KLHL1: variants seen among roughly 807,000 people sequenced by gnomAD.
The protein encoded by KLHL1 is kelch like family member 1.
In KLHL1, 47 loss-of-function variants were observed where a neutral mutation model predicts 77.7. The observed-to-expected ratio is 0.60, with a 90% CI of 0.48 to 0.77. KLHL1 has a LOEUF of 0.77. KLHL1 is among the 30% of genes least tolerant of loss of function. The pLI is 0.00. For synonymous variants in KLHL1, 360 were observed against 325.2 expected, an observed-to-expected ratio of 1.11 and a Z score of -1.15; for missense variants, 925 against 910.8, an observed-to-expected ratio of 1.02 and a Z score of -0.20.
chr13:70,014,617 G>A (rs1372282), intron 1 of KLHL1, among the ~76,000 whole-genome samples: 81,730 of 151,914 alleles, frequency 0.54, 22,201 homozygotes, highest in Non-Finnish European at 0.57. Flanking sequence ...ATCCATGCAT[G>A]TATAATGAAA....
intron 5 of KLHL1, among the ~76,000 whole-genome samples, chr13:69,860,207 T>C (rs976451034): frequency 2.0e-5 from 3 of 152,058 alleles, no homozygotes; most frequent in Non-Finnish European, 2.9e-5. Flanking sequence ...ATTGAAGATA[T>C]GGAGTGGTAG....
rs773600359 is a variant in KLHL1, at chr13:70,039,637, CT to C, written c.498-63836del. 8.8e-3 allele frequency among the ~76,000 whole-genome samples: 1,110 copies of C among 125,484 alleles called. 5 individuals are homozygous for C. Among genetic ancestry groups the C allele is most frequent in the African/African-American group, 0.021 (688 of 33,138 alleles). The allele number at this position is 125,484 out of a possible 152,430, so 82.3% of individuals were successfully genotyped here. On this transcript the variant is annotated intron_variant, in intron 1 of 10. Transcript: ENST00000377844. ...ACTGCCTGCCTTTGGATTCCTTGAA[CT>C]TTTTTTTTTTTTTTTTTTTGAGACA...
intron 1 of KLHL1, among the ~76,000 whole-genome samples, chr13:69,990,621 C>T (rs1885005284): frequency 6.6e-6 from 1 of 152,058 alleles, no homozygotes; most frequent in African/African-American, 2.4e-5. Flanking sequence ...GAAGACCTAA[C>T]TATCCTAATT....
At chr13:69,806,009 A>G (rs1877601390) in intron 6 of KLHL1, among the ~76,000 whole-genome samples, 1 of 152,132 alleles carries the variant, frequency 6.6e-6, no homozygotes, top group Non-Finnish European at 1.5e-5. Flanking sequence ...TTTAAACAAA[A>G]TTACTGATGA....
At chr13:70,033,269 T>C (rs191764007) in intron 1 of KLHL1, among the ~76,000 whole-genome samples, 1 of 152,178 alleles carries the variant, frequency 6.6e-6, no homozygotes, top group East Asian at 1.9e-4. Flanking sequence ...AGGCTTCTAA[T>C]AATTTTTTGT....
intron 8 of KLHL1, among the ~76,000 whole-genome samples, chr13:69,724,940 A>C (rs975995013): frequency 1.3e-5 from 2 of 152,204 alleles, no homozygotes; most frequent in South Asian, 2.1e-4. Flanking sequence ...TCATGTTTAC[A>C]TCTGCTCTAC....
chr13:69,726,427 G>C (rs530974814), intron 8 of KLHL1, among the ~76,000 whole-genome samples: 1 of 152,148 alleles, frequency 6.6e-6, no homozygotes, highest in East Asian at 1.9e-4. Flanking sequence ...CCTTTCCATG[G>C]GAAATATTTT....
chr13:70,031,519 C>G (rs2137366477), intron 1 of KLHL1, among the ~76,000 whole-genome samples: 1 of 152,204 alleles, frequency 6.6e-6, no homozygotes, highest in South Asian at 2.1e-4. Context: ...TTTTTCTTCC[C>G]TTAGGCATTG....
At position 69,770,611 on chromosome 13, in the gene KLHL1, T is replaced by A. The variant is rs1011484029; in HGVS notation, c.1639+26127A>T. On this transcript the variant is annotated intron_variant, in intron 7 of 10. Coordinates refer to ENST00000377844, the MANE Select transcript of KLHL1 (RefSeq NM_020866.3). ...GCCTTGGCCTCCCAAAGTGCTAACA[T>A]TACAGGTGTGAGCCACTGTCCTAAG... is the stretch of plus-strand genomic sequence containing the variant. Among the ~76,000 whole-genome samples the A allele has an allele frequency of 2.0e-5, 3 of 152,332 alleles. No homozygotes were observed. The South Asian group carries it at 6.2e-4, about 32-fold the overall frequency.
At chr13:69,762,144 T>C (rs988387491) in intron 7 of KLHL1, among the ~76,000 whole-genome samples, 1 of 152,168 alleles carries the variant, frequency 6.6e-6, no homozygotes, top group East Asian at 1.9e-4. Flanking sequence ...CATTTCTAAA[T>C]AAATCTTCAG....
At chr13:69,882,183 A>G in intron 5 of KLHL1, 100 bp downstream of exon 5, 1 of 810,976 alleles carries the variant, frequency 1.2e-6, no homozygotes, top group Admixed American at 2.2e-5. Flanking sequence ...AAAGCATTTA[A>G]AAATGTGAAT....
At chr13:70,100,189 C>A (rs879789569) in intron 1 of KLHL1, among the ~76,000 whole-genome samples, 9,941 of 151,694 alleles carry the variant, frequency 0.066, 564 homozygotes, top group East Asian at 0.32. Context: ...ATTCATATTT[C>A]TTCATTATGT....
chr13:70,021,160 A>G (rs1460023371), intron 1 of KLHL1, among the ~76,000 whole-genome samples: 1 of 152,064 alleles, frequency 6.6e-6, no homozygotes, highest in Non-Finnish European at 1.5e-5. Flanking sequence ...CCACTGCCCT[A>G]AAAATCTTCT....
intron 1 of KLHL1, among the ~76,000 whole-genome samples, chr13:69,976,997 T>G (rs1884563193): frequency 6.6e-6 from 1 of 152,136 alleles, no homozygotes; most frequent in Admixed American, 6.6e-5. Flanking sequence ...CTTCTGAGGA[T>G]AATACGAAGA....
chr13:69,775,107 A>G (rs1875761420), intron 7 of KLHL1, among the ~76,000 whole-genome samples: 1 of 152,164 alleles, frequency 6.6e-6, no homozygotes, highest in African/African-American at 2.4e-5. Context: ...TGCTGAATGA[A>G]AAAACATGTC....
At chr13:69,990,501 A>G (rs1227212951) in intron 1 of KLHL1, among the ~76,000 whole-genome samples, 1 of 152,070 alleles carries the variant, frequency 6.6e-6, no homozygotes, top group Non-Finnish European at 1.5e-5. Context: ...GGAAAACAGA[A>G]AAAAGCAGGA....
At chr13:69,942,236 C>T (rs1883386503) in intron 3 of KLHL1, among the ~76,000 whole-genome samples, 1 of 151,910 alleles carries the variant, frequency 6.6e-6, no homozygotes, top group Admixed American at 6.6e-5. Context: ...TAATCAATGG[C>T]AGCCTTTAGT....
At position 69,875,278 on chromosome 13, in the gene KLHL1, G is replaced by A. The variant is rs114511385; in HGVS notation, c.1227+7005C>T. On this transcript the variant is annotated intron_variant, in intron 5 of 10. Coordinates refer to ENST00000377844, the MANE Select transcript of KLHL1 (RefSeq NM_020866.3). The stretch of plus-strand genomic sequence containing the variant: ...AATAACTACATATTATGTTGGAAAG[G>A]CAAAAGAGAGCTGGAATAGTGAAAA... 4.4e-3 allele frequency among the ~76,000 whole-genome samples: 673 copies of A among 152,186 alleles called. 6 individuals are homozygous for A. Among genetic ancestry groups the A allele is most frequent in the African/African-American group, 0.015 (633 of 41,546 alleles).
intron 1 of KLHL1, among the ~76,000 whole-genome samples, chr13:70,036,135 A>G (rs1886233966): frequency 6.6e-6 from 1 of 151,984 alleles, no homozygotes; most frequent in Non-Finnish European, 1.5e-5. Context: ...TTTACTTGAG[A>G]ATAAATGACA....
Sources: gnomAD v4.1 joint callset for allele counts (sites outside exome capture counted in the v4.1 genomes callset) on GRCh38, gnomAD v4.1.1 for gene constraint, MANE v1.5 for transcripts, NCBI Gene and HGNC (gene_info 2026-07-23, HGNC 2026-07-21) for gene names.